LOC128706665: variants seen among roughly 807,000 people sequenced by gnomAD.
At chr20:10,416,229 G>A in the LOC128706665 span, among the ~76,000 whole-genome samples, 1 of 151,972 alleles carries the variant, frequency 6.6e-6, no homozygotes, top group African/African-American at 2.4e-5. Flanking sequence ...TAAATTAAGA[G>A]GTGCACTATA....
the LOC128706665 span, among the ~76,000 whole-genome samples, chr20:10,418,215 C>G: frequency 2.0e-5 from 3 of 152,058 alleles, no homozygotes; most frequent in Non-Finnish European, 4.4e-5. Flanking sequence ...TCTAGCAGTT[C>G]AAAAAACAGA....
the LOC128706665 span, chr20:10,413,993 T>C: frequency 2.5e-6 from 1 of 396,838 alleles, no homozygotes; most frequent in Middle Eastern, 6.4e-4. Flanking sequence ...TAGACTGCAG[T>C]TTAATAATTT....
At chr20:10,427,493 C>T in the LOC128706665 span, among the ~76,000 whole-genome samples, 2 of 152,072 alleles carry the variant, frequency 1.3e-5, no homozygotes, top group South Asian at 4.2e-4. Flanking sequence ...TTGTACTATG[C>T]CTTTTCTTTT....
the LOC128706665 span, among the ~76,000 whole-genome samples, chr20:10,423,805 G>A: frequency 1.3e-5 from 2 of 152,128 alleles, no homozygotes; most frequent in African/African-American, 4.8e-5. Flanking sequence ...AGTTAAACCT[G>A]GAAATCAGTA....
At chr20:10,417,813 C>A in the LOC128706665 span, among the ~76,000 whole-genome samples, 1 of 151,824 alleles carries the variant, frequency 6.6e-6, no homozygotes, top group Non-Finnish European at 1.5e-5. Flanking sequence ...ATGAAAGTAG[C>A]CTCTTGATAT....
the LOC128706665 span, among the ~76,000 whole-genome samples, chr20:10,426,821 A>T: frequency 6.6e-6 from 1 of 152,234 alleles, no homozygotes; most frequent in African/African-American, 2.4e-5. Context: ...ATTAGAGGGC[A>T]AAAGAGTCTA....
the LOC128706665 span, among the ~76,000 whole-genome samples, chr20:10,427,270 C>T: frequency 1.3e-5 from 2 of 152,058 alleles, no homozygotes; most frequent in Non-Finnish European, 1.5e-5. Context: ...CTCATTTTGC[C>T]TATTGGGCTT....
the LOC128706665 span, among the ~76,000 whole-genome samples, chr20:10,415,791 T>C: frequency 6.6e-6 from 1 of 152,230 alleles, no homozygotes; most frequent in South Asian, 2.1e-4. Flanking sequence ...AAAAACAGAA[T>C]GCCATGTTGG....
chr20:10,421,639 A>G, the LOC128706665 span, among the ~76,000 whole-genome samples: 4 of 152,108 alleles, frequency 2.6e-5, no homozygotes, highest in Non-Finnish European at 4.4e-5. Context: ...TTCCACATTT[A>G]TGTGCAAAAC....
the LOC128706665 span, among the ~76,000 whole-genome samples, chr20:10,421,117 T>TA: frequency 1.3e-5 from 2 of 152,246 alleles, no homozygotes; most frequent in Admixed American, 6.5e-5. Context: ...AGCCTTTTTT[T>TA]AAATTATATT....
the LOC128706665 span, among the ~76,000 whole-genome samples, chr20:10,423,002 C>A: frequency 6.6e-6 from 1 of 152,084 alleles, no homozygotes. Context: ...TGAGCCACTG[C>A]GCCCGGCCCT....
chr20:10,418,766 C>G, the LOC128706665 span, among the ~76,000 whole-genome samples: 5,136 of 152,166 alleles, frequency 0.034, 150 homozygotes, highest in Non-Finnish European at 0.045. Context: ...GTTAAGACAT[C>G]TTTTTGTTCT....
At chr20:10,418,142 C>T in the LOC128706665 span, among the ~76,000 whole-genome samples, 1 of 152,096 alleles carries the variant, frequency 6.6e-6, no homozygotes, top group Non-Finnish European at 1.5e-5. Context: ...TGTGTTTATT[C>T]TTACTGTTAA....
chr20:10,427,150 G>A, the LOC128706665 span, among the ~76,000 whole-genome samples: 1 of 151,362 alleles, frequency 6.6e-6, no homozygotes, highest in Admixed American at 6.6e-5. Flanking sequence ...CTAGCCATCA[G>A]ATTATTCTAT....
the LOC128706665 span, among the ~76,000 whole-genome samples, chr20:10,422,860 C>T: frequency 3.3e-5 from 5 of 151,838 alleles, no homozygotes; most frequent in South Asian, 2.1e-4. Context: ...TACAGGTGCC[C>T]GCCACCACAC....
the LOC128706665 span, among the ~76,000 whole-genome samples, chr20:10,427,863 A>C: frequency 1.3e-5 from 2 of 152,160 alleles, no homozygotes; most frequent in African/African-American, 2.4e-5. Flanking sequence ...TGCAAATCCT[A>C]CCACCTTCCC....
the LOC128706665 span, among the ~76,000 whole-genome samples, chr20:10,424,988 G>A: frequency 3.3e-5 from 5 of 151,618 alleles, no homozygotes; most frequent in Admixed American, 3.3e-4. Flanking sequence ...GGGAGGCGGA[G>A]GTTGCAGTGA....
At chr20:10,433,403 C>T in the LOC128706665 span, among the ~76,000 whole-genome samples, 1 of 152,220 alleles carries the variant, frequency 6.6e-6, no homozygotes, top group Admixed American at 6.5e-5. Context: ...AACATGGAGT[C>T]AGGACCGTGC....
At chr20:10,413,991 A>G in the LOC128706665 span, 26 of 397,418 alleles carry the variant, frequency 6.5e-5, no homozygotes, top group East Asian at 9.3e-4. Flanking sequence ...TGTAGACTGC[A>G]GTTTAATAAT....
Sources: allele counts gnomAD v4.1 joint callset (sites outside exome capture counted in the v4.1 genomes callset), GRCh38; gene constraint gnomAD v4.1.1; transcripts MANE v1.5.